ZC3H11A: variants seen among roughly 807,000 people sequenced by gnomAD.
The protein encoded by ZC3H11A is zinc finger CCCH domain-containing protein 11A.
ZC3H11A carries 22 observed loss-of-function variants against 90.8 expected under a neutral mutation model. The observed-to-expected ratio is 0.24, with a 90% CI of 0.17 to 0.35. ZC3H11A has a LOEUF of 0.35. Ranked by LOEUF, ZC3H11A falls within the 10% of genes least tolerant of loss-of-function variation. The probability of loss-of-function intolerance (pLI) is 1.00; values close to 1 mark genes in which losing one functional copy is unlikely to be tolerated. For missense variants in ZC3H11A, 701 were observed against 964.9 expected, an observed-to-expected ratio of 0.73 and a Z score of 3.62; for synonymous variants, 294 against 339.8, an observed-to-expected ratio of 0.87 and a Z score of 1.48.
At chr1:203,820,804 G>A (rs895640560) in intron 4 of ZC3H11A, among the ~76,000 whole-genome samples, 1 of 152,006 alleles carries the variant, frequency 6.6e-6, no homozygotes, top group African/African-American at 2.4e-5. Flanking sequence ...ATATCATCCC[G>A]TGGCACACAG....
chr1:203,838,408 A>G (rs189511565), intron 11 of ZC3H11A, among the ~76,000 whole-genome samples: 1 of 152,260 alleles, frequency 6.6e-6, no homozygotes, highest in Non-Finnish European at 1.5e-5. Context: ...TCACAGAAGA[A>G]GTTATGTTAA....
intron 1 of ZC3H11A, chr1:203,798,380 T>C: frequency 6.5e-7 from 1 of 1,534,874 alleles, no homozygotes; most frequent in Non-Finnish European, 8.7e-7. Context: ...CTGTGTGTAA[T>C]ATATGTAAAA....
intron 16 of ZC3H11A, 63 bp from the exon 17 acceptor site, chr1:203,850,994 A>G (rs1689109680): frequency 6.4e-7 from 1 of 1,568,688 alleles, no homozygotes; most frequent in Admixed American, 1.8e-5. Flanking sequence ...AGCAAAAGAA[A>G]ATGAATATGC....
At chr1:203,847,940 C>T (rs1688326661) in intron 13 of ZC3H11A, among the ~76,000 whole-genome samples, 1 of 152,172 alleles carries the variant, frequency 6.6e-6, no homozygotes, top group South Asian at 2.1e-4. Flanking sequence ...ACTGTAGCCT[C>T]CACCTCCTAG....
chr1:203,813,216 T>G (rs182314159), intron 2 of ZC3H11A, among the ~76,000 whole-genome samples: 206 of 148,506 alleles, frequency 1.4e-3, no homozygotes, highest in Middle Eastern at 3.4e-3. Context: ...TTGTTTTTTG[T>G]TTTTTTTTGG....
chr1:203,844,361 T>C (rs1316428589), intron 12 of ZC3H11A, among the ~76,000 whole-genome samples: 2 of 151,756 alleles, frequency 1.3e-5, no homozygotes, highest in Non-Finnish European at 2.9e-5. Context: ...GGTTTCACCC[T>C]GTTGGCCAGG....
In ZC3H11A at chr1:203,848,335, G is replaced by T; in HGVS notation, c.1551G>T (p.Met517Ile). 6.2e-7 allele frequency: 1 copy of T among 1,612,414 alleles called. No individual in the cohort carries two copies. The highest frequency in any genetic ancestry group is 1.3e-5 in the African/African-American group (1 of 74,942). The change falls in exon 14 of 18, where the codon ATG becomes ATT. Residue 517 changes from methionine (M) to isoleucine (I), a missense_variant. By Grantham distance (10) the Met-to-Ile change is conservative. Coordinates refer to ENST00000367210, the MANE Select transcript of ZC3H11A (RefSeq NM_001376342.1). ...RLLRITKRTG[M>I]KEEKNLQEGN... ...ATGTCTTTAATGTGAATACAGGGAT[G>T]AAAGAAGAGAAGAACCTTCAGGAAG... is the stretch of plus-strand genomic sequence containing the variant.
rs1387635016 is a variant in ZC3H11A, at chr1:203,853,465, G to T, written c.*1066G>T. Reference sequence around the variant, plus strand: ...CTGAATTGAGTTTTCTTTTCTTGATGTTGGTTTCCTTCATATCACCTCAAG... The same window carrying T: ...CTGAATTGAGTTTTCTTTTCTTGATTTTGGTTTCCTTCATATCACCTCAAG... On this transcript the variant is annotated 3_prime_UTR_variant, in exon 18 of 18. Coordinates refer to ENST00000367210, the MANE Select transcript of ZC3H11A (RefSeq NM_001376342.1). 2 of 152,512 alleles carry T rather than the reference G, an allele frequency of 1.3e-5. No individual in the cohort carries two copies. The highest frequency in any genetic ancestry group is 2.9e-5 in the Non-Finnish European group (2 of 68,050). 9.4% of individuals were successfully genotyped at this position (152,512 alleles called of 1,614,324 possible).
chr1:203,815,205 C>CT (rs1553261480), intron 2 of ZC3H11A, among the ~76,000 whole-genome samples: 2 of 63,410 alleles, frequency 3.2e-5, no homozygotes, highest in Non-Finnish European at 6.0e-5. Flanking sequence ...TTATTTTCTT[C>CT]CTTTTCTTTT....
chr1:203,797,727 C>T, intron 1 of ZC3H11A: 4 of 1,534,800 alleles, frequency 2.6e-6, no homozygotes, highest in Non-Finnish European at 3.5e-6. Flanking sequence ...GAAGGGTTTG[C>T]GAATTAAGGG....
intron 10 of ZC3H11A, among the ~76,000 whole-genome samples, chr1:203,836,708 G>A (rs1283067161): frequency 1.3e-5 from 2 of 152,198 alleles, no homozygotes; most frequent in Non-Finnish European, 2.9e-5. Flanking sequence ...CCCGGGAGGT[G>A]GAGGTGGCAG....
Position 203,840,516 on chromosome 1 carries a change from C to T in ZC3H11A, c.1042+142C>T, listed in dbSNP as rs377077136. The T allele has an allele frequency of 3.6e-5, 26 of 730,356 alleles. 1 individual carries two copies. Among genetic ancestry groups the T allele is most frequent in the South Asian group, 3.2e-4 (15 of 46,778 alleles). The allele number at this position is 730,356 out of a possible 1,614,324, so 45.2% of individuals were successfully genotyped here. A position where few individuals can be genotyped will look rare whatever the true frequency, so the allele number is the denominator to read the frequency against. On this transcript the variant is annotated intron_variant, in intron 12 of 17. Transcript: ENST00000367210. Reference sequence around the variant, plus strand: ...TCTGTTTGTTTTTTAAGTAATTGATCAAGTCAGCTCAGACTCAACTGGGAT... The same window carrying T: ...TCTGTTTGTTTTTTAAGTAATTGATTAAGTCAGCTCAGACTCAACTGGGAT...
intron 1 of ZC3H11A, chr1:203,798,367 G>A (rs1669358422): frequency 1.3e-6 from 2 of 1,535,228 alleles, no homozygotes; most frequent in Non-Finnish European, 1.7e-6. Context: ...CACATCTCAA[G>A]AGCTGTGTGT....
rs1262035429 is a variant in ZC3H11A at position 203,795,697 on chromosome 1, G to T, written c.-1685G>T. Reference sequence around the variant, plus strand: ...TTTCTGCTAGTGCTGCTGCTGCTGGGAGGACGACGGACGGCAGCGGCCAAG... The same window carrying T: ...TTTCTGCTAGTGCTGCTGCTGCTGGTAGGACGACGGACGGCAGCGGCCAAG... On this transcript the variant is annotated 5_prime_UTR_variant, in exon 1 of 18. Transcript: ENST00000367210. 6.6e-6 allele frequency: 1 copy of T among 152,264 alleles called. No individual in the cohort carries two copies. Among genetic ancestry groups the T allele is most frequent in the East Asian group, 1.9e-4 (1 of 5,190 alleles). 9.4% of individuals were successfully genotyped at this position (152,264 alleles called of 1,614,324 possible). A position where few individuals can be genotyped will look rare whatever the true frequency, so the allele number is the denominator to read the frequency against.
rs867488818 is a variant in ZC3H11A at position 203,831,668 on chromosome 1, T to C, written c.708T>C (p.Ser236=). The C allele has an allele frequency of 1.2e-6, 2 of 1,612,010 alleles. No homozygotes were observed. The highest frequency in any genetic ancestry group is 1.7e-4 in the Middle Eastern group (1 of 5,932). ...TTGACTTGCCTTATTCAGAGGGTTC[T>C]TCAGGAGTTTCCAGTCTTTTACTCC... is the stretch of plus-strand genomic sequence containing the variant. ...KEKSKKQGEG[S]SGVSSLLLHP... Residue 236 remains serine (S), a synonymous_variant, in exon 9 of 18, where the codon TCT becomes TCC. Coordinates refer to ENST00000367210, the MANE Select transcript of ZC3H11A (RefSeq NM_001376342.1).
chr1:203,831,325 G>C (rs1321487790), intron 8 of ZC3H11A, among the ~76,000 whole-genome samples: 2 of 152,032 alleles, frequency 1.3e-5, no homozygotes. Flanking sequence ...AATAGAATAG[G>C]TTGGATTGAT....
intron 8 of ZC3H11A, 32 bp from the exon 9 acceptor site, chr1:203,831,629 T>G (rs185377117): frequency 6.3e-7 from 1 of 1,577,058 alleles, no homozygotes; most frequent in East Asian, 2.2e-5. Context: ...TTTCCATAAA[T>G]TATTTGCTGT....
chr1:203,823,533 C>G (rs1679465598), intron 4 of ZC3H11A, among the ~76,000 whole-genome samples: 1 of 152,222 alleles, frequency 6.6e-6, no homozygotes, highest in African/African-American at 2.4e-5. Flanking sequence ...TCTAGGCATA[C>G]TGAGCCTTCT....
chr1:203,816,880 G>A (rs541947746), intron 2 of ZC3H11A, 46 bp from the exon 3 acceptor site: 34 of 501,104 alleles, frequency 6.8e-5, no homozygotes, highest in African/African-American at 6.4e-4. Context: ...TTTGAAGGAG[G>A]AAGAATTTAC....
Sources: gnomAD v4.1 joint callset for allele counts (sites outside exome capture counted in the v4.1 genomes callset) on GRCh38, gnomAD v4.1.1 for gene constraint, MANE v1.5 for transcripts, NCBI Gene and HGNC (gene_info 2026-07-23, HGNC 2026-07-21) for gene names.